TCF7L2: variants seen among roughly 807,000 people sequenced by gnomAD.
The protein encoded by TCF7L2 is transcription factor 7 like 2.
In TCF7L2, 23 loss-of-function variants were observed where a neutral mutation model predicts 77.9. The observed-to-expected ratio is 0.30, with a 90% CI of 0.21 to 0.42. The LOEUF is 0.42. Ranked by LOEUF, TCF7L2 falls within the 10% of genes least tolerant of loss-of-function variation. The probability of loss-of-function intolerance (pLI) is 1.00; values close to 1 mark genes in which losing one functional copy is unlikely to be tolerated. For missense variants in TCF7L2, 654 were observed against 793.1 expected (o/e 0.82, Z 2.11); for synonymous variants, 413 against 340.2 (o/e 1.21, Z -2.36).
chr10:113,148,098 C>T (rs992186978), intron 8 of TCF7L2, among the ~76,000 whole-genome samples: 17 of 152,282 alleles, frequency 1.1e-4, no homozygotes, highest in Admixed American at 9.1e-4. Flanking sequence ...GATATTCATT[C>T]TATTCAGCAG....
rs558771161 is a variant in TCF7L2, at chr10:113,076,092, C to T, written c.552+35966C>T. Among the ~76,000 whole-genome samples, 10 of 148,262 alleles carry T rather than the reference C, an allele frequency of 6.7e-5. No individual in the cohort carries two copies. The East Asian group carries it at 7.9e-4, about 12-fold the overall frequency. ...CGAAGGTTGTAGTGAGCCGAAATCACGCCACTGCACTCCAGCGTAGGCAAC... is the reference window on the plus strand; with the variant it reads ...CGAAGGTTGTAGTGAGCCGAAATCATGCCACTGCACTCCAGCGTAGGCAAC... On this transcript the variant is annotated intron_variant, in intron 5 of 13. Coordinates refer to ENST00000627217, the MANE Select transcript of TCF7L2 (RefSeq NM_001146274.2).
intron 3 of TCF7L2, among the ~76,000 whole-genome samples, chr10:112,958,079 A>C (rs141576548): frequency 2.6e-4 from 39 of 152,328 alleles, no homozygotes; most frequent in Admixed American, 9.8e-4. Context: ...TAAACAGCTC[A>C]TTACAAAGAA....
At chr10:112,981,893 C>T (rs2135229425) in intron 4 of TCF7L2, among the ~76,000 whole-genome samples, 1 of 152,326 alleles carries the variant, frequency 6.6e-6, no homozygotes. Flanking sequence ...GTGGAAGTCT[C>T]AGGCAAGGCA....
Position 113,165,668 on chromosome 10 carries a change from C to A in TCF7L2, c.1505C>A (p.Ser502Tyr). The A allele has an allele frequency of 6.2e-7, 1 of 1,610,732 alleles. No homozygotes were observed. The highest frequency in any genetic ancestry group is 8.5e-7 in the Non-Finnish European group (1 of 1,178,526). Residue 502 changes from serine (S) to tyrosine (Y), a missense_variant, in exon 14 of 14, where the codon TCC becomes TAC. Coordinates refer to ENST00000627217, the MANE Select transcript of TCF7L2 (RefSeq NM_001146274.2). ...CCCCCCTCCCCGAACCTGCTAGGCT[C>A]CCCTCCCCGAGACGCCAAGTCACAG...
intron 4 of TCF7L2, among the ~76,000 whole-genome samples, chr10:112,983,104 C>T (rs979544953): frequency 2.0e-5 from 3 of 151,932 alleles, no homozygotes; most frequent in South Asian, 2.1e-4. Context: ...TTGGTTGTAA[C>T]GTCTGCTCTG....
intron 5 of TCF7L2, among the ~76,000 whole-genome samples, chr10:113,053,117 A>G (rs774763837): frequency 6.6e-6 from 1 of 152,202 alleles, no homozygotes; most frequent in Non-Finnish European, 1.5e-5. Flanking sequence ...ACATAATTTG[A>G]AAAATGTAAC....
chr10:113,016,199 G>T (rs940037717), intron 4 of TCF7L2, among the ~76,000 whole-genome samples: 1 of 151,964 alleles, frequency 6.6e-6, no homozygotes, highest in African/African-American at 2.4e-5. Flanking sequence ...TGAGTAGCTG[G>T]GATTACAGGC....
At chr10:112,962,504 C>T (rs1423056083) in intron 3 of TCF7L2, among the ~76,000 whole-genome samples, 1 of 152,164 alleles carries the variant, frequency 6.6e-6, no homozygotes, top group Non-Finnish European at 1.5e-5. Flanking sequence ...TTAGTGCAAT[C>T]TCCGTTTACT....
At chr10:113,100,006 C>CCCTCTA (rs1339661776) in intron 5 of TCF7L2, among the ~76,000 whole-genome samples, 2 of 152,304 alleles carry the variant, frequency 1.3e-5, no homozygotes, top group Admixed American at 1.3e-4. Context: ...AGTTCCCACT[C>CCCTCTA]CCTCTACCTC....
chr10:113,042,378 G>A (rs1029675706), intron 5 of TCF7L2, among the ~76,000 whole-genome samples: 3 of 152,204 alleles, frequency 2.0e-5, no homozygotes, highest in African/African-American at 7.2e-5. Context: ...TGGGCTTTCT[G>A]CTGTGCTCAA....
intron 5 of TCF7L2, among the ~76,000 whole-genome samples, chr10:113,100,682 A>C (rs2061532889): frequency 6.6e-6 from 1 of 152,218 alleles, no homozygotes; most frequent in African/African-American, 2.4e-5. Context: ...TTAACAAATC[A>C]GGTGGAAAGG....
chr10:113,156,904 G>A (rs928371833), intron 11 of TCF7L2, among the ~76,000 whole-genome samples: 2 of 152,210 alleles, frequency 1.3e-5, no homozygotes, highest in African/African-American at 4.8e-5. Flanking sequence ...AAACTGGAAT[G>A]GTGGTAATAC....
At chr10:113,076,164 A>C (rs989008065) in intron 5 of TCF7L2, among the ~76,000 whole-genome samples, 181 of 146,498 alleles carry the variant, frequency 1.2e-3, no homozygotes, top group African/African-American at 3.9e-3. Flanking sequence ...AAAAGACAGG[A>C]TCTTGCTCTG....
intron 5 of TCF7L2, among the ~76,000 whole-genome samples, chr10:113,050,382 G>T (rs1218140237): frequency 6.6e-6 from 1 of 152,140 alleles, no homozygotes; most frequent in Non-Finnish European, 1.5e-5. Flanking sequence ...TTGTCCCAGA[G>T]GTGGGGGTGT....
chr10:113,051,203 CCACACACACACA>C lies in TCF7L2; in HGVS notation c.552+11106_552+11117del, dbSNP rs55771704. ...TTGCCTTCATACATGTGCATACACA[CCACACACACACA>C]CACACACACACACACACACACACAC... On this transcript the variant is annotated intron_variant, in intron 5 of 13. Transcript: ENST00000627217. 1.2e-3 allele frequency among the ~76,000 whole-genome samples: 169 copies of C among 140,488 alleles called. 2 individuals are homozygous for C. In the South Asian group the frequency reaches 0.028, roughly 23 times the overall value. 92.2% of individuals were successfully genotyped at this position (140,488 alleles called of 152,430 possible). A position where few individuals can be genotyped will look rare whatever the true frequency, so the allele number is the denominator to read the frequency against.
intron 5 of TCF7L2, among the ~76,000 whole-genome samples, chr10:113,040,679 G>A (rs559879222): frequency 6.6e-6 from 1 of 152,080 alleles, no homozygotes; most frequent in Admixed American, 6.6e-5. Flanking sequence ...ATACATCCAT[G>A]GCTTTGAAAG....
At chr10:113,001,692 C>G (rs1167522876) in intron 4 of TCF7L2, among the ~76,000 whole-genome samples, 2 of 152,136 alleles carry the variant, frequency 1.3e-5, no homozygotes, top group Non-Finnish European at 2.9e-5. Flanking sequence ...AACACATACA[C>G]AGCAAACCAA....
At chr10:113,145,011 T>C (rs1018032533) in intron 7 of TCF7L2, among the ~76,000 whole-genome samples, 1 of 152,066 alleles carries the variant, frequency 6.6e-6, no homozygotes, top group Non-Finnish European at 1.5e-5. Flanking sequence ...CAGGTTTGAG[T>C]CTTAGGGAAG....
At chr10:113,127,468 G>A (rs973020540) in intron 5 of TCF7L2, among the ~76,000 whole-genome samples, 2 of 152,158 alleles carry the variant, frequency 1.3e-5, no homozygotes, top group Admixed American at 1.3e-4. Flanking sequence ...GAATGTAAAT[G>A]AGCAGTTCCT....
Sources: allele counts gnomAD v4.1 joint callset (sites outside exome capture counted in the v4.1 genomes callset), GRCh38; gene constraint gnomAD v4.1.1; transcripts MANE v1.5; gene names NCBI Gene and HGNC (gene_info 2026-07-23, HGNC 2026-07-21).